Variants in CNRIP1 observed in about 807,000 individuals in gnomAD.
CNRIP1 encodes cannabinoid receptor interacting protein 1.
A neutral mutation model predicts 15.2 loss-of-function variants in CNRIP1; 10 were observed. The ratio of observed to expected loss-of-function variants is 0.66; its 90% confidence interval spans 0.41 to 1.12. The LOEUF (loss-of-function observed/expected upper bound fraction) is 1.12, where lower values mean the gene tolerates loss of function less well. Ranked by LOEUF, CNRIP1 falls within the 50% of genes most tolerant of loss-of-function variation. The pLI is 0.00. For synonymous variants in CNRIP1, 91 were observed against 83.2 expected, an observed-to-expected ratio of 1.09 and a Z score of -0.51; for missense variants, 211 against 214.7, an observed-to-expected ratio of 0.98 and a Z score of 0.11.
At chr2:68,308,225 C>A (rs868861109) in intron 2 of CNRIP1, among the ~76,000 whole-genome samples, 20 of 150,498 alleles carry the variant, frequency 1.3e-4, no homozygotes, top group Non-Finnish European at 2.2e-4. Context: ...CAAAACAAAA[C>A]AAAAAAAACC....
At chr2:68,300,775 A>G (rs1406945972) in intron 2 of CNRIP1, among the ~76,000 whole-genome samples, 1 of 152,138 alleles carries the variant, frequency 6.6e-6, no homozygotes, top group Non-Finnish European at 1.5e-5. Context: ...AAAAATACAA[A>G]TATTAGGAAT....
Position 68,319,496 on chromosome 2 carries a change from G to A in CNRIP1, c.-96C>T. On this transcript the variant is annotated 5_prime_UTR_variant, in exon 1 of 3. Coordinates refer to ENST00000263655, the MANE Select transcript of CNRIP1 (RefSeq NM_015463.3). ...AGCGCGAGGGGCGGAGAGGAAGCGCGGGGAGGGTGAGGGAGGTGGTGGAGC... is the reference window on the plus strand; with the variant it reads ...AGCGCGAGGGGCGGAGAGGAAGCGCAGGGAGGGTGAGGGAGGTGGTGGAGC... 3 of 1,298,452 alleles carry A rather than the reference G, an allele frequency of 2.3e-6. No individual in the cohort carries two copies. The highest frequency in any genetic ancestry group is 3.1e-5 in the South Asian group (2 of 64,272). The allele number at this position is 1,298,452 out of a possible 1,614,324, so 80.4% of individuals were successfully genotyped here. A position where few individuals can be genotyped will look rare whatever the true frequency, so the allele number is the denominator to read the frequency against.
intron 2 of CNRIP1, among the ~76,000 whole-genome samples, chr2:68,310,808 A>C (rs1043389617): frequency 1.3e-5 from 2 of 152,182 alleles, no homozygotes; most frequent in African/African-American, 4.8e-5. Flanking sequence ...AAATGTGCTC[A>C]GATAAATTAA....
chr2:68,317,583 T>C, intron 1 of CNRIP1, among the ~76,000 whole-genome samples: 1 of 152,212 alleles, frequency 6.6e-6, no homozygotes, highest in Non-Finnish European at 1.5e-5. Flanking sequence ...GATCTTAATA[T>C]GCAGGTAGGA....
intron 2 of CNRIP1, among the ~76,000 whole-genome samples, chr2:68,309,635 A>G (rs970216247): frequency 3.0e-4 from 46 of 152,182 alleles, no homozygotes; most frequent in African/African-American, 9.7e-4. Flanking sequence ...ATTACCAGAA[A>G]GGGGTACTTC....
chr2:68,290,846 A>C (rs990939532), downstream of CNRIP1, among the ~76,000 whole-genome samples: 19 of 152,244 alleles, frequency 1.2e-4, no homozygotes, highest in Non-Finnish European at 2.8e-4. Flanking sequence ...GGTGTCACAA[A>C]ATATAAACTC....
chr2:68,315,711 T>G (rs994059555), intron 2 of CNRIP1, among the ~76,000 whole-genome samples: 1 of 152,146 alleles, frequency 6.6e-6, no homozygotes, highest in Non-Finnish European at 1.5e-5. Context: ...GTCTTACTCT[T>G]GTCACCGAGG....
rs1483602384 is a variant in CNRIP1, at chr2:68,319,762, G to T, written c.-362C>A. ...AGCTGGGGGCGAGGGAGTTAATCCTGTTTACGCACCACAATCCCCTTCAGC... is the reference window on the plus strand; with the variant it reads ...AGCTGGGGGCGAGGGAGTTAATCCTTTTTACGCACCACAATCCCCTTCAGC... On this transcript the variant is annotated 5_prime_UTR_variant, in exon 1 of 3. Coordinates refer to ENST00000263655, the MANE Select transcript of CNRIP1 (RefSeq NM_015463.3). 2 of 222,968 alleles carry T rather than the reference G, an allele frequency of 9.0e-6. No homozygotes were observed. The highest frequency in any genetic ancestry group is 1.2e-4 in the Admixed American group (2 of 16,856). 13.8% of individuals were successfully genotyped at this position (222,968 alleles called of 1,614,324 possible).
intron 2 of CNRIP1, among the ~76,000 whole-genome samples, chr2:68,313,153 G>C (rs1672150934): frequency 1.3e-5 from 2 of 152,096 alleles, no homozygotes; most frequent in South Asian, 4.1e-4. Flanking sequence ...AAACAAGATT[G>C]TTTTGGGTCT....
chr2:68,319,096 C>A (rs1316416102), intron 1 of CNRIP1, 126 bp downstream of exon 1: 3 of 980,622 alleles, frequency 3.1e-6, no homozygotes, highest in South Asian at 3.8e-5. Flanking sequence ...CTTCCTCCAA[C>A]CCCCGGGCCC....
chr2:68,318,862 G>A (rs1672379926), intron 1 of CNRIP1, among the ~76,000 whole-genome samples: 1 of 152,234 alleles, frequency 6.6e-6, no homozygotes, highest in African/African-American at 2.4e-5. Flanking sequence ...GCTGAACCCT[G>A]CGGACCTCTC....
At chr2:68,317,960 T>C (rs1672335999) in intron 1 of CNRIP1, among the ~76,000 whole-genome samples, 1 of 152,070 alleles carries the variant, frequency 6.6e-6, no homozygotes, top group Admixed American at 6.5e-5. Context: ...AAAAATAGTT[T>C]TATTCCTAAC....
intron 2 of CNRIP1, among the ~76,000 whole-genome samples, chr2:68,308,313 T>G (rs17035242): frequency 0.17 from 25,826 of 152,226 alleles, 3,206 homozygotes; most frequent in East Asian, 0.58. Context: ...GAATGCACAT[T>G]TCTACATTTT....
At chr2:68,311,339 T>C (rs771980636) in intron 2 of CNRIP1, among the ~76,000 whole-genome samples, 9 of 151,398 alleles carry the variant, frequency 5.9e-5, no homozygotes, top group Admixed American at 1.3e-4. Flanking sequence ...AGGGAATAAA[T>C]ATAGGATTAG....
At chr2:68,304,083 C>CA (rs549060279) in intron 2 of CNRIP1, among the ~76,000 whole-genome samples, 30,082 of 149,398 alleles carry the variant, frequency 0.2, 3,637 homozygotes, top group East Asian at 0.57. Flanking sequence ...TAAAAACAAA[C>CA]AAAAAAAACA....
chr2:68,287,437 T>C (rs1052980639), intron 2 of CNRIP1, among the ~76,000 whole-genome samples: 42 of 152,324 alleles, frequency 2.8e-4, no homozygotes, highest in Admixed American at 1.7e-3. Flanking sequence ...GTGATAGATA[T>C]GGGAATGTGT....
At chr2:68,314,853 AAAGT>A (rs1031489311) in intron 2 of CNRIP1, among the ~76,000 whole-genome samples, 2 of 152,036 alleles carry the variant, frequency 1.3e-5, no homozygotes, top group Non-Finnish European at 2.9e-5. Flanking sequence ...TTCCAATATA[AAAGT>A]AAGAACTGAA....
intron 2 of CNRIP1, 90 bp downstream of exon 2, chr2:68,317,067 C>T: frequency 6.5e-7 from 1 of 1,528,084 alleles, no homozygotes; most frequent in South Asian, 1.1e-5. Flanking sequence ...CCCAACACAC[C>T]TTTTCTTACA....
Position 68,317,151 on chromosome 2 carries a change from C to A in CNRIP1, c.330+6G>T. ...CCATACTCCTATACCCGCAAGCAAG[C>A]CTTACCGGCATGGTGATCTGGATGG... On this transcript the variant is annotated splice_donor_region_variant and intron_variant, in intron 2 of 2. Coordinates refer to ENST00000263655, the MANE Select transcript of CNRIP1 (RefSeq NM_015463.3). The A allele has an allele frequency of 1.2e-6, 2 of 1,614,188 alleles. No individual in the cohort carries two copies. The highest frequency in any genetic ancestry group is 2.2e-5 in the East Asian group (1 of 44,884).
Sources: gnomAD v4.1 joint callset for allele counts (sites outside exome capture counted in the v4.1 genomes callset) on GRCh38, gnomAD v4.1.1 for gene constraint, MANE v1.5 for transcripts, NCBI Gene and HGNC (gene_info 2026-07-23, HGNC 2026-07-21) for gene names.